The following NAV3 variants were observed in gnomAD, a reference collection of about 807,000 sequenced individuals.
The protein encoded by NAV3 is neuron navigator 3.
NAV3 carries 87 observed loss-of-function variants against 244.7 expected under a neutral mutation model. That is an observed-to-expected ratio of 0.36 (90% CI 0.30 to 0.42). NAV3 has a LOEUF of 0.42. Among genes scored for constraint, NAV3 ranks in the 20% least tolerant of loss-of-function variants. The pLI, the probability that NAV3 is intolerant of heterozygous loss-of-function variation, is 1.00. For missense variants in NAV3, 2,663 were observed against 2,893.3 expected (o/e 0.92, Z 1.83); for synonymous variants, 1,126 against 1,042.2 (o/e 1.08, Z -1.55).
At chr12:77,591,497 A>G (rs984528818) in intron 2 of NAV3, among the ~76,000 whole-genome samples, 2 of 152,228 alleles carry the variant, frequency 1.3e-5, no homozygotes, top group African/African-American at 4.8e-5. Flanking sequence ...TGTTATCTCT[A>G]CACAGAAGGA....
intron 12 of NAV3, among the ~76,000 whole-genome samples, chr12:78,075,631 TGAA>T (rs1487574400): frequency 6.6e-6 from 1 of 152,170 alleles, no homozygotes; most frequent in East Asian, 1.9e-4. Flanking sequence ...TAGTTTTAAG[TGAA>T]AAGAGAGTAT....
At chr12:78,004,114 G>A (rs1448464418) in intron 7 of NAV3, among the ~76,000 whole-genome samples, 4 of 152,052 alleles carry the variant, frequency 2.6e-5, no homozygotes, top group Admixed American at 2.0e-4. Flanking sequence ...TTTAGATTTT[G>A]TTTTTTCTAA....
chr12:77,956,725 C>CTTATTTATTTAT (rs111942943), intron 3 of NAV3, among the ~76,000 whole-genome samples: 2,633 of 149,588 alleles, frequency 0.018, 33 homozygotes, highest in Non-Finnish European at 0.021. Flanking sequence ...TAAAATCCAA[C>CTTATTTATTTAT]TTATTTATTT....
At chr12:77,802,742 A>C (rs1871776109) in intron 2 of NAV3, among the ~76,000 whole-genome samples, 1 of 151,908 alleles carries the variant, frequency 6.6e-6, no homozygotes, top group East Asian at 1.9e-4. Flanking sequence ...GGCTCACTGC[A>C]AGCCCCGCCT....
chr12:78,068,084 A>G (rs1338182191), intron 12 of NAV3, among the ~76,000 whole-genome samples: 1 of 152,046 alleles, frequency 6.6e-6, no homozygotes, highest in African/African-American at 2.4e-5. Context: ...TATAATAGAC[A>G]TAAGTATTGA....
At chr12:78,125,250 G>A (rs1480200107) in intron 16 of NAV3, among the ~76,000 whole-genome samples, 4 of 152,068 alleles carry the variant, frequency 2.6e-5, no homozygotes, top group African/African-American at 4.8e-5. Context: ...ATATAATAAA[G>A]ATGTATATAA....
intron 3 of NAV3, among the ~76,000 whole-genome samples, chr12:77,955,973 T>C (rs114290470): frequency 0.022 from 3,414 of 152,318 alleles, 117 homozygotes; most frequent in African/African-American, 0.077. Flanking sequence ...TAAATTGGAA[T>C]TACCTCCCTT....
chr12:77,828,255 C>G (rs1042355315), upstream of NAV3, among the ~76,000 whole-genome samples: 1 of 152,176 alleles, frequency 6.6e-6, no homozygotes, highest in Non-Finnish European at 1.5e-5. Context: ...CTCTCTTGCT[C>G]TTCTGCCTTC....
intron 2 of NAV3, among the ~76,000 whole-genome samples, chr12:77,802,815 A>T (rs1871780493): frequency 1.3e-5 from 2 of 152,020 alleles, no homozygotes; most frequent in South Asian, 4.2e-4. Context: ...GGTGCCCACC[A>T]CCATGCCTGG....
intron 39 of NAV3, 46 bp from the exon 40 acceptor site, chr12:78,210,352 A>G: frequency 6.2e-7 from 1 of 1,611,888 alleles, no homozygotes; most frequent in Non-Finnish European, 8.5e-7. Flanking sequence ...GGGCTGGCTT[A>G]CTCAATGCAT....
intron 2 of NAV3, among the ~76,000 whole-genome samples, chr12:77,639,179 A>G (rs1241175893): frequency 6.6e-6 from 1 of 152,146 alleles, no homozygotes; most frequent in Non-Finnish European, 1.5e-5. Flanking sequence ...TAGAATCTGT[A>G]AACAGATTTA....
chr12:77,962,992 T>C (rs1482463505), intron 3 of NAV3, among the ~76,000 whole-genome samples: 1 of 151,852 alleles, frequency 6.6e-6, no homozygotes, highest in Non-Finnish European at 1.5e-5. Context: ...AAATTTTTGG[T>C]GTTAAAATAT....
intron 27 of NAV3, 130 bp downstream of exon 27, chr12:78,177,443 G>A (rs1958284220): frequency 2.6e-6 from 3 of 1,175,918 alleles, no homozygotes; most frequent in East Asian, 5.0e-5. Flanking sequence ...GACAGCATTA[G>A]TTTCTCTTTT....
intron 11 of NAV3, among the ~76,000 whole-genome samples, chr12:78,058,442 T>C (rs1883837260): frequency 6.6e-6 from 1 of 152,252 alleles, no homozygotes; most frequent in Admixed American, 6.5e-5. Context: ...TATCTCTATC[T>C]GCCCCCTCCC....
intron 39 of NAV3, among the ~76,000 whole-genome samples, chr12:78,207,968 G>A (rs979384491): frequency 6.6e-6 from 1 of 152,168 alleles, no homozygotes; most frequent in East Asian, 1.9e-4. Flanking sequence ...TGATCAAGGT[G>A]TTAGAAATGA....
chr12:78,032,785 G>T (rs1226954426), intron 9 of NAV3, among the ~76,000 whole-genome samples: 1 of 152,114 alleles, frequency 6.6e-6, no homozygotes. Flanking sequence ...GAAAGAATTT[G>T]TCCTCAGAGG....
At chr12:77,866,155 C>A (rs926428183) in intron 1 of NAV3, among the ~76,000 whole-genome samples, 12 of 151,992 alleles carry the variant, frequency 7.9e-5, no homozygotes, top group African/African-American at 2.9e-4. Flanking sequence ...AAAAATAATT[C>A]TTGAATGCAT....
At chr12:77,777,627 T>A (rs574045386) in intron 2 of NAV3, among the ~76,000 whole-genome samples, 1 of 152,278 alleles carries the variant, frequency 6.6e-6, no homozygotes, top group South Asian at 2.1e-4. Flanking sequence ...CATGGATAAC[T>A]GTCCCACAGA....
chr12:78,060,878 G>A (rs1362179954), intron 12 of NAV3, among the ~76,000 whole-genome samples: 2 of 152,202 alleles, frequency 1.3e-5, no homozygotes. Flanking sequence ...AAAGGATGTT[G>A]TGATGGCAGA....
Sources: allele counts gnomAD v4.1 joint callset (sites outside exome capture counted in the v4.1 genomes callset), GRCh38; gene constraint gnomAD v4.1.1; transcripts MANE v1.5; gene names NCBI Gene and HGNC (gene_info 2026-07-23, HGNC 2026-07-21).